Variants in CAMKK1 observed in about 807,000 individuals in gnomAD.
CAMKK1 encodes calcium/calmodulin-dependent protein kinase kinase 1.
CAMKK1 carries 20 observed loss-of-function variants against 63.5 expected under a neutral mutation model. The ratio of observed to expected loss-of-function variants is 0.32; its 90% CI spans 0.22 to 0.46. The LOEUF (loss-of-function observed/expected upper bound fraction) is 0.46. Among genes scored for constraint, CAMKK1 ranks in the 20% least tolerant of loss-of-function variants. CAMKK1 has a pLI of 1.00. For missense variants in CAMKK1, 588 were observed against 658.1 expected, an observed-to-expected ratio of 0.89 and a Z score of 1.17; for synonymous variants, 253 against 269.0, an observed-to-expected ratio of 0.94 and a Z score of 0.58.
intron 1 of CAMKK1, among the ~76,000 whole-genome samples, chr17:3,891,586 G>A (rs182356065): frequency 5.9e-4 from 90 of 152,310 alleles, no homozygotes; most frequent in Admixed American, 6.5e-5. Flanking sequence ...GGAGGCTGAC[G>A]TGGCTGGAGT....
intron 1 of CAMKK1, among the ~76,000 whole-genome samples, chr17:3,888,147 T>C (rs946645573): frequency 6.6e-6 from 1 of 152,172 alleles, no homozygotes; most frequent in Non-Finnish European, 1.5e-5. Context: ...GAGCTCCTGC[T>C]TTTTGGCCCT....
At chr17:3,871,647 C>A (rs1382398700) in intron 12 of CAMKK1, among the ~76,000 whole-genome samples, 1 of 148,136 alleles carries the variant, frequency 6.8e-6, no homozygotes, top group South Asian at 2.1e-4. Flanking sequence ...TGAGCCGCCG[C>A]ACCCGGCCTT....
chr17:3,865,653 T>C, intron 15 of CAMKK1: 1 of 1,352,814 alleles, frequency 7.4e-7, no homozygotes, highest in Non-Finnish European at 9.5e-7. Flanking sequence ...AGGGGCTGCG[T>C]GAGCTCCTCA....
Position 3,883,333 on chromosome 17 carries a change from TCTACCCCATTC to T in CAMKK1, c.514+85_514+95del. ...GGCCTCTGCTCACGCTGTCTCCCTCTCTACCCCATTCCTAGCCAAAACTAGCTCAGGATCGA... is the reference window on the plus strand; with the variant it reads ...GGCCTCTGCTCACGCTGTCTCCCTCTCTAGCCAAAACTAGCTCAGGATCGA... On this transcript the variant is annotated intron_variant, in intron 5 of 15. Coordinates refer to ENST00000348335, the MANE Select transcript of CAMKK1 (RefSeq NM_032294.3). This position sits in a 1 kb window ranked among gnomAD's most constrained non-coding sequence, Gnocchi z 4.7. 1 of 1,487,224 alleles carries T rather than the reference TCTACCCCATTC, an allele frequency of 6.7e-7. No individual in the cohort carries two copies. The highest frequency in any genetic ancestry group is 9.4e-7 in the Non-Finnish European group (1 of 1,066,552). The allele number at this position is 1,487,224 out of a possible 1,614,324, so 92.1% of individuals were successfully genotyped here.
chr17:3,862,254 C>A lies in CAMKK1; in HGVS notation c.1475G>T (p.Ser492Ile), dbSNP rs1159248875. ...TTCCTGGACGCCGGGGAGCTCTGGG[C>A]TCTTGCCCCCTTCACCAAACCCTTC... Reference protein sequence around the residue: ...VKEGFGEGGKSPELPGVQEDE... With the variant: ...VKEGFGEGGKIPELPGVQEDE... The change falls in exon 16 of 16, where the codon AGC becomes ATC. Residue 492 changes from serine to isoleucine, a missense_variant. Ser to Ile is a moderately radical substitution (Grantham distance 142). This residue lies in a region of CAMKK1 where 226 missense variants were observed against 229.2 expected (regional missense o/e 0.99). Transcript: ENST00000348335. This position sits in a 1 kb window ranked among gnomAD's most constrained non-coding sequence, Gnocchi z 4.1. 10 of 1,589,890 alleles carry A rather than the reference C, an allele frequency of 6.3e-6. No individual in the cohort carries two copies. The highest frequency in any genetic ancestry group is 8.6e-6 in the Non-Finnish European group (10 of 1,167,340).
chr17:3,876,156 G>C, intron 10 of CAMKK1, 67 bp downstream of exon 10: 1 of 1,456,526 alleles, frequency 6.9e-7, no homozygotes, highest in South Asian at 1.3e-5. Flanking sequence ...GTTAGAAACT[G>C]GGCCACTGCG....
intron 10 of CAMKK1, among the ~76,000 whole-genome samples, chr17:3,873,936 C>T (rs1221495231): frequency 6.6e-6 from 1 of 152,202 alleles, no homozygotes; most frequent in African/African-American, 2.4e-5. Flanking sequence ...CCCTCATCCA[C>T]CGCCACTGCA....
At position 3,892,505 on chromosome 17, in the gene CAMKK1, ACCCCGC is replaced by A. The variant is rs1284229158; in HGVS notation, c.-44+428_-44+433del. 1.3e-5 allele frequency among the ~76,000 whole-genome samples: 2 copies of A among 149,034 alleles called. No homozygotes were observed. The highest frequency in any genetic ancestry group is 2.5e-5 in the African/African-American group (1 of 40,180). On this transcript the variant is annotated intron_variant, in intron 1 of 15. Coordinates refer to ENST00000348335, the MANE Select transcript of CAMKK1 (RefSeq NM_032294.3). The surrounding 1 kb of genome is among the most constrained non-coding windows in gnomAD (Gnocchi z 7.5). Reference sequence around the variant, plus strand: ...GCCGCCGCCGCCCCATTCATCTCCCACCCCGCCCCCGGCTCCTGCAGGAAGACGCTC... The same window carrying A: ...GCCGCCGCCGCCCCATTCATCTCCCACCCCGGCTCCTGCAGGAAGACGCTC...
chr17:3,882,487 G>GC lies in CAMKK1; in HGVS notation c.685+40dup, dbSNP rs1567631273. On this transcript the variant is annotated intron_variant, in intron 7 of 15. Transcript: ENST00000348335. This position sits in a 1 kb window ranked among gnomAD's most constrained non-coding sequence, Gnocchi z 4.3. ...ATGTCCCAAGGGAGCCCTTGGGCCA[G>GC]CCCTGAGTGAGCTGCTGTGGGAATG... 1 of 1,600,140 alleles carries GC rather than the reference G, an allele frequency of 6.2e-7. No individual in the cohort carries two copies. Among genetic ancestry groups the GC allele is most frequent in the Non-Finnish European group, 8.5e-7 (1 of 1,172,108 alleles).
At chr17:3,872,706 TGGGGGCAGGGGTA>T (rs2054946116) in intron 11 of CAMKK1, 79 bp from the exon 12 acceptor site, 1 of 1,226,164 alleles carries the variant, frequency 8.2e-7, no homozygotes, top group Non-Finnish European at 1.2e-6. Context: ...CCTCCCTTGG[TGGGGGCAGGGGTA>T]GGGGGCAGGT....
intron 8 of CAMKK1, 137 bp downstream of exon 8, chr17:3,881,490 C>A (rs2055408786): frequency 1.3e-6 from 1 of 768,786 alleles, no homozygotes; most frequent in South Asian, 1.8e-5. Context: ...CTCTTGGTCT[C>A]TTATTTACCC....
Position 3,869,624 on chromosome 17 carries a change from G to A in CAMKK1, c.1213-9C>T. On this transcript the variant is annotated splice_polypyrimidine_tract_variant and intron_variant, in intron 13 of 15. Coordinates refer to ENST00000348335, the MANE Select transcript of CAMKK1 (RefSeq NM_032294.3). The stretch of plus-strand genomic sequence containing the variant: ...GTCACCCAAGGGTGCAACTGTCGGG[G>A]CCGGGAGGGCAGGGAGAGGGGGAGA... The A allele has an allele frequency of 1.2e-6, 2 of 1,614,144 alleles. No individual in the cohort carries two copies. The highest frequency in any genetic ancestry group is 1.7e-6 in the Non-Finnish European group (2 of 1,179,994).
rs737362 is a variant in CAMKK1, at chr17:3,883,162, C to T, written c.528G>A (p.Pro176=). ...KQYGFPRRPP[P]RGSQAAQGGP... ...CTCCCTGGGCAGCCTGGGACCCTCT[C>T]GGGGGAGGGCGACCTGTGACCAGGA... The change falls in exon 6 of 16, where the codon CCG becomes CCA. Residue 176 remains proline (P), a synonymous_variant. Coordinates refer to ENST00000348335, the MANE Select transcript of CAMKK1 (RefSeq NM_032294.3). The surrounding 1 kb of genome is among the most constrained non-coding windows in gnomAD (Gnocchi z 4.7). 0.01 allele frequency: 16,880 copies of T among 1,610,552 alleles called. 1,449 individuals are homozygous for T. The African/African-American group carries it at 0.19, about 19-fold the overall frequency.
rs1340882264 is a variant in CAMKK1 at position 3,868,012 on chromosome 17, CT to C, written c.1341+1474del. Among the ~76,000 whole-genome samples the C allele has an allele frequency of 6.6e-3, 854 of 129,188 alleles. 76 individuals carry two copies. The highest frequency in any genetic ancestry group is 0.025 in the African/African-American group (743 of 29,708). 84.8% of individuals were successfully genotyped at this position (129,188 alleles called of 152,430 possible). ...GCACCGTCTAACTGATACGCGGGCT[CT>C]GGGGGAGAAGCAGGCGCCGTCTAAC... On this transcript the variant is annotated intron_variant, in intron 14 of 15. Coordinates refer to ENST00000348335, the MANE Select transcript of CAMKK1 (RefSeq NM_032294.3).
At chr17:3,891,004 T>C (rs1012736791) in intron 1 of CAMKK1, among the ~76,000 whole-genome samples, 1 of 152,110 alleles carries the variant, frequency 6.6e-6, no homozygotes, top group African/African-American at 2.4e-5. Context: ...GCTGGAGGGA[T>C]TTCCAACATG....
chr17:3,867,909 C>T (rs1388608450), intron 14 of CAMKK1, among the ~76,000 whole-genome samples: 2 of 152,142 alleles, frequency 1.3e-5, no homozygotes, highest in African/African-American at 4.8e-5. Context: ...GGAAGAGGAG[C>T]AAAACCGAAA....
In CAMKK1 at chr17:3,882,961, G is replaced by A. The variant is rs926477504; in HGVS notation, c.648+81C>T. On this transcript the variant is annotated intron_variant, in intron 6 of 15. Transcript: ENST00000348335. This position sits in a 1 kb window ranked among gnomAD's most constrained non-coding sequence, Gnocchi z 4.3. ...CCACCTGGGCAAGATCCCTGGGTCTGTGCTAGGGGCTCCCCAGCACCAGAA... is the reference window on the plus strand; with the variant it reads ...CCACCTGGGCAAGATCCCTGGGTCTATGCTAGGGGCTCCCCAGCACCAGAA... 4 of 1,564,434 alleles carry A rather than the reference G, an allele frequency of 2.6e-6. No homozygotes were observed. In the African/African-American group the frequency reaches 5.4e-5, roughly 21 times the overall value.
At chr17:3,880,268 G>C in intron 9 of CAMKK1, 78 bp downstream of exon 9, 1 of 1,232,762 alleles carries the variant, frequency 8.1e-7, no homozygotes, top group Non-Finnish European at 1.2e-6. Context: ...GAGCTGCTCA[G>C]AGTCTGCTCA....
chr17:3,880,810 G>T (rs1263439909), intron 8 of CAMKK1, among the ~76,000 whole-genome samples: 2 of 148,776 alleles, frequency 1.3e-5, no homozygotes. Context: ...TAAATAAGTA[G>T]AATATATCAG....
Sources: gnomAD v4.1 joint callset for allele counts (sites outside exome capture counted in the v4.1 genomes callset) on GRCh38, gnomAD v4.1.1 for gene constraint, gnomAD v4.1.1 regional missense constraint, Gnocchi (gnomAD v3.1) non-coding constraint, MANE v1.5 for transcripts, NCBI Gene and HGNC (gene_info 2026-07-23, HGNC 2026-07-21) for gene names.